IMMP2L: variants seen among roughly 807,000 people sequenced by gnomAD.
IMMP2L encodes mitochondrial inner membrane protease subunit 2.
IMMP2L carries 18 observed loss-of-function variants against 19.3 expected under a neutral mutation model. The ratio of observed to expected loss-of-function variants is 0.93; its 90% CI spans 0.64 to 1.38. The LOEUF is 1.38. IMMP2L is among the 40% of genes most tolerant of loss of function. The pLI, the probability that IMMP2L is intolerant of heterozygous loss-of-function variation, is 0.00. For missense variants in IMMP2L, 233 were observed against 218.2 expected (o/e 1.07, Z -0.43); for synonymous variants, 76 against 73.0 (o/e 1.04, Z -0.21).
chr7:111,515,104 A>G (rs780962278), intron 2 of IMMP2L, among the ~76,000 whole-genome samples: 3 of 152,050 alleles, frequency 2.0e-5, no homozygotes, highest in Non-Finnish European at 4.4e-5. Flanking sequence ...TTCTCATGCA[A>G]TATTTTTACT....
chr7:110,968,368 T>C (rs1379157703), intron 3 of IMMP2L, among the ~76,000 whole-genome samples: 2 of 152,006 alleles, frequency 1.3e-5, no homozygotes, highest in Non-Finnish European at 2.9e-5. Context: ...TAGCACATTC[T>C]TGCATGAGAA....
chr7:110,707,213 A>T (rs202098796), intron 5 of IMMP2L, among the ~76,000 whole-genome samples: 4 of 57,642 alleles, frequency 6.9e-5, no homozygotes, highest in Non-Finnish European at 1.3e-4. Flanking sequence ...TGTCCATGTG[A>T]TCTCATTGTT....
chr7:110,841,865 C>T (rs773983182), intron 5 of IMMP2L, among the ~76,000 whole-genome samples: 1 of 152,076 alleles, frequency 6.6e-6, no homozygotes, highest in Non-Finnish European at 1.5e-5. Flanking sequence ...TTCACCCTGT[C>T]CCAATGGCAT....
At chr7:110,712,200 C>T (rs1483077732) in intron 5 of IMMP2L, among the ~76,000 whole-genome samples, 1 of 133,314 alleles carries the variant, frequency 7.5e-6, no homozygotes, top group Non-Finnish European at 1.6e-5. Context: ...TGTAGATGTC[C>T]TTTCTGGTTG....
chr7:111,038,537 T>C (rs1436124816), intron 3 of IMMP2L, among the ~76,000 whole-genome samples: 1 of 152,136 alleles, frequency 6.6e-6, no homozygotes, highest in Non-Finnish European at 1.5e-5. Flanking sequence ...CACTGAGCGG[T>C]CACAATAACC....
At chr7:111,006,871 T>A (rs1824341407) in intron 3 of IMMP2L, among the ~76,000 whole-genome samples, 1 of 152,308 alleles carries the variant, frequency 6.6e-6, no homozygotes, top group Non-Finnish European at 1.5e-5. Context: ...TCTTTCCCTC[T>A]GCTGAATCAT....
At chr7:110,739,199 T>C (rs756782607) in intron 5 of IMMP2L, among the ~76,000 whole-genome samples, 17 of 152,114 alleles carry the variant, frequency 1.1e-4, no homozygotes, top group Non-Finnish European at 1.8e-4. Context: ...ATGAGTAGAA[T>C]AGTACCTCAC....
intron 5 of IMMP2L, among the ~76,000 whole-genome samples, chr7:110,690,859 T>C (rs1048270779): frequency 2.0e-5 from 3 of 152,012 alleles, no homozygotes; most frequent in East Asian, 1.9e-4. Context: ...TGCTCATGGA[T>C]TGGAAGAATC....
intron 3 of IMMP2L, among the ~76,000 whole-genome samples, chr7:111,162,904 C>T (rs139411594): frequency 6.6e-6 from 1 of 152,136 alleles, no homozygotes; most frequent in Non-Finnish European, 1.5e-5. Flanking sequence ...CTCAAGGCCA[C>T]AGCCCTAGGA....
chr7:111,469,865 T>C (rs555960379), intron 3 of IMMP2L, among the ~76,000 whole-genome samples: 245 of 152,068 alleles, frequency 1.6e-3, no homozygotes, highest in African/African-American at 4.8e-3. Context: ...AAAGCCAAAA[T>C]TGACAAATGG....
chr7:111,104,816 G>GAAGC (rs1798364593), intron 3 of IMMP2L, among the ~76,000 whole-genome samples: 2 of 151,710 alleles, frequency 1.3e-5, no homozygotes, highest in Admixed American at 6.6e-5. Flanking sequence ...CATCTCATTG[G>GAAGC]AAGCAGGGCA....
At chr7:111,445,437 C>T (rs1180769629) in intron 3 of IMMP2L, among the ~76,000 whole-genome samples, 1 of 151,322 alleles carries the variant, frequency 6.6e-6, no homozygotes, top group African/African-American at 2.4e-5. Flanking sequence ...TACATACATA[C>T]ATAAGTTTAA....
chr7:110,694,599 T>C (rs957681904), intron 5 of IMMP2L, among the ~76,000 whole-genome samples: 2 of 152,086 alleles, frequency 1.3e-5, no homozygotes, highest in Admixed American at 6.6e-5. Flanking sequence ...GAAGATGCAA[T>C]TGACTGAGGC....
intron 3 of IMMP2L, among the ~76,000 whole-genome samples, chr7:111,364,128 G>T (rs1829535392): frequency 1.3e-5 from 2 of 151,554 alleles, no homozygotes; most frequent in African/African-American, 2.4e-5. Flanking sequence ...TCTCTATATA[G>T]ACAGTAACCT....
intron 5 of IMMP2L, among the ~76,000 whole-genome samples, chr7:110,704,359 A>C (rs1336203247): frequency 6.6e-6 from 1 of 152,208 alleles, no homozygotes; most frequent in African/African-American, 2.4e-5. Context: ...TAACATTTCC[A>C]AATTTCTCTT....
In IMMP2L at chr7:111,074,000, A is replaced by C. The variant is rs1795175579; in HGVS notation, c.240-110435T>G. On this transcript the variant is annotated intron_variant, in intron 3 of 5. Transcript: ENST00000405709. Reference sequence around the variant, plus strand: ...AACCCAGGACAATGTCCAAGCTCTAATATCTGACCATTCAAATGGAAATCA... The same window carrying C: ...AACCCAGGACAATGTCCAAGCTCTACTATCTGACCATTCAAATGGAAATCA... Among the ~76,000 whole-genome samples, 5 of 152,254 alleles carry C rather than the reference A, an allele frequency of 3.3e-5. No homozygotes were observed. In the South Asian group the frequency reaches 1.0e-3, roughly 32 times the overall value.
chr7:111,136,119 C>T (rs1802311593), intron 3 of IMMP2L, among the ~76,000 whole-genome samples: 1 of 151,948 alleles, frequency 6.6e-6, no homozygotes, highest in Admixed American at 6.6e-5. Flanking sequence ...ACCTCGGCCT[C>T]CTGGGTTCAT....
chr7:111,333,527 T>A (rs1195740409), intron 3 of IMMP2L, among the ~76,000 whole-genome samples: 3 of 152,042 alleles, frequency 2.0e-5, no homozygotes, highest in Non-Finnish European at 4.4e-5. Flanking sequence ...CTTGTGATGG[T>A]AAATATTGAG....
intron 4 of IMMP2L, among the ~76,000 whole-genome samples, chr7:110,941,000 C>T (rs754023070): frequency 6.6e-6 from 1 of 152,148 alleles, no homozygotes; most frequent in Non-Finnish European, 1.5e-5. Context: ...TGCTGACATT[C>T]ATCCAGCATG....
Sources: gnomAD v4.1 joint callset for allele counts (sites outside exome capture counted in the v4.1 genomes callset) on GRCh38, gnomAD v4.1.1 for gene constraint, MANE v1.5 for transcripts, NCBI Gene and HGNC (gene_info 2026-07-23, HGNC 2026-07-21) for gene names.